Variants in DOCK2 observed in about 807,000 individuals in gnomAD.
DOCK2 encodes dedicator of cytokinesis protein 2.
A neutral mutation model predicts 248.9 loss-of-function variants in DOCK2; 87 were observed. The observed-to-expected ratio is 0.35, with a 90% CI of 0.29 to 0.42. DOCK2 has a LOEUF of 0.42. Among genes scored for constraint, DOCK2 ranks in the 10% least tolerant of loss-of-function variants. The pLI is 1.00. For missense variants in DOCK2, 1,747 were observed against 2,300.2 expected, an observed-to-expected ratio of 0.76 and a Z score of 4.92; for synonymous variants, 805 against 821.6, an observed-to-expected ratio of 0.98 and a Z score of 0.35.
At chr5:170,041,222 GAAAAAA>G in intron 37 of DOCK2, 77 bp downstream of exon 37, 1 of 1,282,556 alleles carries the variant, frequency 7.8e-7, no homozygotes, top group Non-Finnish European at 1.1e-6. Flanking sequence ...AGTGAAAAAA[GAAAAAA>G]AAGAAAAAGA....
At chr5:169,789,607 T>C (rs146852291) in intron 25 of DOCK2, among the ~76,000 whole-genome samples, 1 of 152,358 alleles carries the variant, frequency 6.6e-6, no homozygotes, top group African/African-American at 2.4e-5. Flanking sequence ...GTTCCTCTTT[T>C]ATTGCTGTAG....
intron 27 of DOCK2, among the ~76,000 whole-genome samples, chr5:169,886,141 T>A (rs901509377): frequency 2.0e-5 from 3 of 152,206 alleles, no homozygotes; most frequent in African/African-American, 7.2e-5. Flanking sequence ...TTTTTCTTTA[T>A]AAATTACACA....
chr5:169,816,318 C>G (rs914801705), intron 26 of DOCK2, among the ~76,000 whole-genome samples: 1 of 152,206 alleles, frequency 6.6e-6, no homozygotes, highest in Non-Finnish European at 1.5e-5. Context: ...AGCAAATGAT[C>G]TAAGAGTTCT....
intron 8 of DOCK2, among the ~76,000 whole-genome samples, chr5:169,684,566 G>A (rs961641017): frequency 2.6e-5 from 4 of 152,190 alleles, no homozygotes; most frequent in Non-Finnish European, 5.9e-5. Flanking sequence ...TGGTTGTAGG[G>A]TTTTGTAAAA....
intron 27 of DOCK2, among the ~76,000 whole-genome samples, chr5:169,964,626 T>C (rs942095740): frequency 6.6e-6 from 1 of 152,234 alleles, no homozygotes; most frequent in Non-Finnish European, 1.5e-5. Flanking sequence ...TCAAAGTTGG[T>C]AAGCCAAAAG....
At chr5:169,951,674 A>G (rs1290292461) in intron 27 of DOCK2, among the ~76,000 whole-genome samples, 1 of 152,230 alleles carries the variant, frequency 6.6e-6, no homozygotes. Flanking sequence ...TATTAATAAT[A>G]ATGGTATAAT....
intron 27 of DOCK2, among the ~76,000 whole-genome samples, chr5:169,923,483 G>GCGCACACACA (rs555621064): frequency 8.7e-5 from 13 of 148,926 alleles, no homozygotes; most frequent in African/African-American, 3.2e-4. Context: ...ATGCACGTGG[G>GCGCACACACA]CACACACACA....
rs932809274 is a variant in DOCK2, at chr5:170,069,131, C to T, written c.4645-6C>T. The T allele has an allele frequency of 5.0e-6, 8 of 1,613,174 alleles. No individual in the cohort carries two copies. In the East Asian group the frequency reaches 1.1e-4, roughly 22 times the overall value. ...GAAACCCTGACCTCCTATCTGTCCT[C>T]CCCAGGCCTTCTTCACTGAAGAGTA... On this transcript the variant is annotated splice_region_variant and splice_polypyrimidine_tract_variant and intron_variant, in intron 45 of 51. Coordinates refer to ENST00000520908, the MANE Select transcript of DOCK2 (RefSeq NM_004946.3).
intron 9 of DOCK2, 23 bp from the exon 10 acceptor site, chr5:169,695,780 A>AT (rs1273851895): frequency 6.2e-7 from 1 of 1,612,322 alleles, no homozygotes; most frequent in Non-Finnish European, 8.5e-7. Flanking sequence ...ATGATGGTCA[A>AT]TTTTTTGTTT....
chr5:170,014,789 G>A lies in DOCK2; in HGVS notation c.3233-4171G>A, dbSNP rs141916818. Among the ~76,000 whole-genome samples the A allele has an allele frequency of 2.0e-5, 3 of 152,216 alleles. No individual in the cohort carries two copies. In the East Asian group the frequency reaches 5.8e-4, roughly 29 times the overall value. On this transcript the variant is annotated intron_variant, in intron 32 of 51. Coordinates refer to ENST00000520908, the MANE Select transcript of DOCK2 (RefSeq NM_004946.3). ...GGTGGCTAGGTGAGAGGCACACAAT[G>A]GGTATGGGGAGGGAGCACAGGACCA...
chr5:169,656,903 C>G (rs1561573676), intron 2 of DOCK2, among the ~76,000 whole-genome samples: 2 of 152,146 alleles, frequency 1.3e-5, no homozygotes, highest in Non-Finnish European at 2.9e-5. Flanking sequence ...CTCTGGGACA[C>G]CTTTATCCTT....
intron 33 of DOCK2, among the ~76,000 whole-genome samples, chr5:170,022,069 C>G (rs1370303653): frequency 1.3e-5 from 2 of 152,230 alleles, no homozygotes; most frequent in African/African-American, 2.4e-5. Context: ...GGGCTTTGCT[C>G]CCAGGTCATA....
chr5:169,898,072 C>G (rs896939501), intron 27 of DOCK2, among the ~76,000 whole-genome samples: 2 of 152,222 alleles, frequency 1.3e-5, no homozygotes, highest in African/African-American at 4.8e-5. Flanking sequence ...AGTCCCCTGT[C>G]AGAAGTGACT....
At chr5:169,858,465 G>C (rs1228929627) in intron 27 of DOCK2, among the ~76,000 whole-genome samples, 2 of 152,068 alleles carry the variant, frequency 1.3e-5, no homozygotes, top group Non-Finnish European at 2.9e-5. Context: ...TGAAGGCGTG[G>C]TAGGTCCAAG....
At chr5:169,765,103 C>CACAA (rs55959467) in intron 25 of DOCK2, among the ~76,000 whole-genome samples, 1 of 147,928 alleles carries the variant, frequency 6.8e-6, no homozygotes, top group East Asian at 2.0e-4. Flanking sequence ...CACACACACA[C>CACAA]CCCACACACA....
chr5:170,051,503 G>A (rs576210687), intron 41 of DOCK2, among the ~76,000 whole-genome samples: 27 of 152,258 alleles, frequency 1.8e-4, no homozygotes, highest in East Asian at 3.9e-4. Flanking sequence ...CTAGCTTGGC[G>A]TCACCTTCTG....
At chr5:170,054,359 G>A (rs922325673) in intron 41 of DOCK2, among the ~76,000 whole-genome samples, 4 of 152,174 alleles carry the variant, frequency 2.6e-5, no homozygotes, top group African/African-American at 9.7e-5. Context: ...GGTAGGGAAA[G>A]GGAAGAGGGG....
chr5:170,022,642 C>T (rs1219611604), intron 33 of DOCK2, among the ~76,000 whole-genome samples: 2 of 152,082 alleles, frequency 1.3e-5, no homozygotes, highest in African/African-American at 4.8e-5. Flanking sequence ...CCGGCTTGGC[C>T]AGGACACATG....
intron 50 of DOCK2, chr5:170,081,622 T>C (rs1456251914): frequency 1.7e-6 from 1 of 572,752 alleles, no homozygotes; most frequent in Admixed American, 3.4e-5. Context: ...GCCAGGAGGC[T>C]GAACCCTTGT....
Sources: gnomAD v4.1 joint callset for allele counts (sites outside exome capture counted in the v4.1 genomes callset) on GRCh38, gnomAD v4.1.1 for gene constraint, MANE v1.5 for transcripts, NCBI Gene and HGNC (gene_info 2026-07-23, HGNC 2026-07-21) for gene names.